VAC14: variants seen among roughly 807,000 people sequenced by gnomAD.
The protein encoded by VAC14 is VAC14 component of PIKFYVE complex, also known as protein VAC14 homolog.
Under a neutral mutation model 85.3 loss-of-function variants are expected in VAC14, and 47 were observed. The ratio of observed to expected loss-of-function variants is 0.55; its 90% CI spans 0.44 to 0.70. The LOEUF (loss-of-function observed/expected upper bound fraction) is 0.70. Ranked by LOEUF, VAC14 falls within the 30% of genes least tolerant of loss-of-function variation. The pLI, the probability that VAC14 is intolerant of heterozygous loss-of-function variation, is 0.00. For missense variants in VAC14, 861 were observed against 1,004.3 expected, an observed-to-expected ratio of 0.86 and a Z score of 1.93; for synonymous variants, 447 against 430.5, an observed-to-expected ratio of 1.04 and a Z score of -0.47.
intron 14 of VAC14, among the ~76,000 whole-genome samples, chr16:70,708,037 G>A (rs1441410626): frequency 1.3e-5 from 2 of 152,100 alleles, no homozygotes; most frequent in East Asian, 1.9e-4. Context: ...GTGATCTGCC[G>A]CTTTGGCCTT....
intron 13 of VAC14, among the ~76,000 whole-genome samples, chr16:70,742,003 G>A (rs1188191093): frequency 6.6e-6 from 1 of 152,206 alleles, no homozygotes; most frequent in African/African-American, 2.4e-5. Flanking sequence ...GCTGCCCTCG[G>A]CAGTCTCCTG....
intron 14 of VAC14, among the ~76,000 whole-genome samples, chr16:70,729,218 T>G (rs1395014029): frequency 6.6e-6 from 1 of 152,174 alleles, no homozygotes; most frequent in African/African-American, 2.4e-5. Context: ...ACAGCTGCCA[T>G]CCCGAAGAGC....
chr16:70,723,736 G>A (rs2054352445), intron 14 of VAC14, among the ~76,000 whole-genome samples: 1 of 152,100 alleles, frequency 6.6e-6, no homozygotes, highest in Non-Finnish European at 1.5e-5. Flanking sequence ...TGGGGCTGGG[G>A]GAGGTGATGC....
intron 15 of VAC14, 99 bp from the exon 16 acceptor site, chr16:70,697,356 A>G (rs1339279372): frequency 7.6e-6 from 7 of 927,148 alleles, no homozygotes; most frequent in Admixed American, 6.9e-5. Flanking sequence ...TCTAAGTCCC[A>G]GGGGCCTTCA....
chr16:70,696,812 G>A (rs2053720507), intron 16 of VAC14: 5 of 303,054 alleles, frequency 1.6e-5, no homozygotes. Context: ...CAGGAGCTGG[G>A]GTTCTCTCCC....
chr16:70,780,624 G>A (rs1598001470), intron 9 of VAC14, among the ~76,000 whole-genome samples, 166 bp downstream of exon 9: 1 of 152,192 alleles, frequency 6.6e-6, no homozygotes, highest in Non-Finnish European at 1.5e-5. Context: ...TCTGCAGAAT[G>A]GGGGAGAACC....
At chr16:70,705,015 T>C (rs1469988765) in intron 14 of VAC14, among the ~76,000 whole-genome samples, 1 of 152,246 alleles carries the variant, frequency 6.6e-6, no homozygotes, top group African/African-American at 2.4e-5. Context: ...TCCTCACTGT[T>C]GGCTGATCCT....
chr16:70,794,599 C>T (rs1485025450), intron 1 of VAC14, among the ~76,000 whole-genome samples: 1 of 152,210 alleles, frequency 6.6e-6, no homozygotes, highest in Non-Finnish European at 1.5e-5. Context: ...ATTTGCTTTG[C>T]AGGAATGCGG....
intron 14 of VAC14, among the ~76,000 whole-genome samples, chr16:70,712,883 C>T (rs1358363242): frequency 2.6e-5 from 4 of 152,144 alleles, no homozygotes. Context: ...GCGACGGAGC[C>T]CACGGGCAGG....
intron 10 of VAC14, chr16:70,769,296 T>C (rs777567356): frequency 6.5e-6 from 1 of 153,754 alleles, no homozygotes; most frequent in Non-Finnish European, 1.4e-5. Context: ...CTGAACTGAG[T>C]GAAACTGGTG....
At chr16:70,726,699 G>A (rs2054438800) in intron 14 of VAC14, among the ~76,000 whole-genome samples, 1 of 152,186 alleles carries the variant, frequency 6.6e-6, no homozygotes, top group Non-Finnish European at 1.5e-5. Context: ...TGGGGGTACA[G>A]CACCCCACCG....
At chr16:70,698,478 C>T (rs1032931822) in intron 15 of VAC14, among the ~76,000 whole-genome samples, 159 bp downstream of exon 15, 2 of 152,202 alleles carry the variant, frequency 1.3e-5, no homozygotes, top group African/African-American at 2.4e-5. Context: ...CAGCCACTCA[C>T]CCGGGATCCC....
At chr16:70,740,628 A>G (rs1281670397) in intron 13 of VAC14, among the ~76,000 whole-genome samples, 1 of 152,132 alleles carries the variant, frequency 6.6e-6, no homozygotes, top group East Asian at 1.9e-4. Context: ...TGGAGACAGG[A>G]AATACAAAAG....
chr16:70,800,432 C>T (rs1348073589), intron 1 of VAC14, among the ~76,000 whole-genome samples: 2 of 152,202 alleles, frequency 1.3e-5, no homozygotes. Context: ...GCAAATTCTC[C>T]GGCTTCTGAC....
intron 9 of VAC14, among the ~76,000 whole-genome samples, chr16:70,778,144 A>G (rs28621024): frequency 6.6e-6 from 1 of 152,176 alleles, no homozygotes; most frequent in Non-Finnish European, 1.5e-5. Context: ...GGTTAGGGTA[A>G]TACTCTCCTG....
intron 17 of VAC14, 108 bp from the exon 18 acceptor site, chr16:70,693,079 T>A (rs2142986229): frequency 2.1e-6 from 3 of 1,418,668 alleles, no homozygotes; most frequent in Middle Eastern, 4.8e-4. Context: ...CTTGGTGCCA[T>A]GGCACCCACA....
chr16:70,800,896 T>C lies in VAC14; in HGVS notation c.5A>G (p.Asn2Ser). 3 of 1,587,166 alleles carry C rather than the reference T, an allele frequency of 1.9e-6. No individual in the cohort carries two copies. The highest frequency in any genetic ancestry group is 2.6e-6 in the Non-Finnish European group (3 of 1,165,736). Residue 2 changes from asparagine to serine, a missense_variant, in exon 1 of 19, where the codon AAC becomes AGC. Asn to Ser is a conservative substitution (Grantham distance 46). Coordinates refer to ENST00000261776, the MANE Select transcript of VAC14 (RefSeq NM_018052.5). M[N>S]PEKDFAPLTP... ...GAGCGGCGCGAAATCCTTCTCGGGG[T>C]TCATGGTGGCAGCTGGGGGAACCTC...
chr16:70,782,379 G>A (rs888432592), intron 7 of VAC14, among the ~76,000 whole-genome samples: 3 of 152,250 alleles, frequency 2.0e-5, no homozygotes, highest in Non-Finnish European at 4.4e-5. Flanking sequence ...GGCCTCAACA[G>A]GCCTTGCTCA....
At chr16:70,697,395 C>T (rs2053735158) in intron 15 of VAC14, 138 bp from the exon 16 acceptor site, 2 of 646,056 alleles carry the variant, frequency 3.1e-6, no homozygotes, top group Non-Finnish European at 2.7e-6. Context: ...CAGCTTAGCA[C>T]CCCGGCTGGG....
Sources: allele counts gnomAD v4.1 joint callset (sites outside exome capture counted in the v4.1 genomes callset), GRCh38; gene constraint gnomAD v4.1.1; transcripts MANE v1.5; gene names NCBI Gene and HGNC (gene_info 2026-07-23, HGNC 2026-07-21).